ZNF638: variants seen among roughly 807,000 people sequenced by gnomAD.
The protein encoded by ZNF638 is CTCL tumor antigen se33-1.
ZNF638 carries 46 observed loss-of-function variants against 195.6 expected under a neutral mutation model. The ratio of observed to expected loss-of-function variants is 0.24; its 90% CI spans 0.19 to 0.30. The LOEUF is 0.30. Ranked by LOEUF, ZNF638 falls within the 10% of genes least tolerant of loss-of-function variation. The pLI, the probability that ZNF638 is intolerant of heterozygous loss-of-function variation, is 1.00. For synonymous variants in ZNF638, 845 were observed against 772.0 expected, an observed-to-expected ratio of 1.09 and a Z score of -1.57; for missense variants, 2,440 against 2,325.3, an observed-to-expected ratio of 1.05 and a Z score of -1.01.
chr2:71,434,913 G>A lies in ZNF638; in HGVS notation c.*106G>A, dbSNP rs2080735707. ...ATTTTCGTTTCAGAAGCAAATATTC[G>A]TGTTGTACAAATTTCTGATTGCCCT... On this transcript the variant is annotated 3_prime_UTR_variant, in exon 28 of 28. Coordinates refer to ENST00000264447, the MANE Select transcript of ZNF638 (RefSeq NM_014497.5). 3.1e-6 allele frequency: 3 copies of A among 972,004 alleles called. No individual in the cohort carries two copies. Among genetic ancestry groups the A allele is most frequent in the South Asian group, 1.8e-5 (1 of 56,304 alleles). The allele number at this position is 972,004 out of a possible 1,614,324, so 60.2% of individuals were successfully genotyped here.
intron 3 of ZNF638, among the ~76,000 whole-genome samples, chr2:71,360,873 G>A (rs1438024783): frequency 6.6e-6 from 1 of 152,216 alleles, no homozygotes; most frequent in Non-Finnish European, 1.5e-5. Context: ...TAGTTGGGCA[G>A]TATAGAGGTG....
chr2:71,360,947 AG>A (rs1378456109), intron 3 of ZNF638, among the ~76,000 whole-genome samples: 1 of 152,164 alleles, frequency 6.6e-6, no homozygotes, highest in Non-Finnish European at 1.5e-5. Context: ...AGCAGAGATG[AG>A]AACATGTGTT....
chr2:71,399,502 A>C, intron 12 of ZNF638, 57 bp from the exon 13 acceptor site: 1 of 1,257,716 alleles, frequency 8.0e-7, no homozygotes, highest in Non-Finnish European at 1.1e-6. Context: ...TTAGTGTGAA[A>C]CATGCTAAAT....
At chr2:71,361,257 T>A (rs2079104562) in intron 3 of ZNF638, among the ~76,000 whole-genome samples, 1 of 152,228 alleles carries the variant, frequency 6.6e-6, no homozygotes, top group Admixed American at 6.5e-5. Flanking sequence ...TCCACCATTA[T>A]TACCAGCTCT....
intron 10 of ZNF638, among the ~76,000 whole-genome samples, chr2:71,384,948 C>CA: frequency 1.3e-5 from 2 of 152,146 alleles, no homozygotes; most frequent in Non-Finnish European, 2.9e-5. Context: ...TGGGAACTCC[C>CA]ACATGTGAGT....
intron 15 of ZNF638, among the ~76,000 whole-genome samples, chr2:71,401,403 T>C (rs1187529062): frequency 6.6e-6 from 1 of 152,156 alleles, no homozygotes; most frequent in Non-Finnish European, 1.5e-5. Flanking sequence ...CTCAGGAGCT[T>C]TTTTATTATG....
At chr2:71,374,660 G>C (rs1327927953) in intron 8 of ZNF638, among the ~76,000 whole-genome samples, 1 of 152,216 alleles carries the variant, frequency 6.6e-6, no homozygotes, top group Non-Finnish European at 1.5e-5. Flanking sequence ...GCTCTTGCCT[G>C]TTATCCTAGC....
At chr2:71,370,875 A>G (rs1321223996) in intron 8 of ZNF638, among the ~76,000 whole-genome samples, 1 of 152,130 alleles carries the variant, frequency 6.6e-6, no homozygotes, top group East Asian at 1.9e-4. Flanking sequence ...TGTAACATTA[A>G]ATTATTTTTT....
At chr2:71,342,101 G>A (rs150210480) in intron 1 of ZNF638, among the ~76,000 whole-genome samples, 1,926 of 151,222 alleles carry the variant, frequency 0.013, 39 homozygotes, top group African/African-American at 0.042. Flanking sequence ...AAAAAGTCAA[G>A]TGGGAAGGAA....
At chr2:71,396,099 T>C (rs370790072) in intron 10 of ZNF638, 42 bp from the exon 11 acceptor site, 40 of 1,575,264 alleles carry the variant, frequency 2.5e-5, no homozygotes, top group Non-Finnish European at 3.5e-5. Context: ...CAAGTGATGT[T>C]ATTTGTAATG....
chr2:71,335,125 C>G (rs1477140300), intron 1 of ZNF638, among the ~76,000 whole-genome samples: 1 of 152,136 alleles, frequency 6.6e-6, no homozygotes, highest in East Asian at 1.9e-4. Flanking sequence ...CGGCCTCTAC[C>G]TCCTGGGTGC....
At chr2:71,395,257 C>T (rs200686018) in intron 10 of ZNF638, 117 of 717,230 alleles carry the variant, frequency 1.6e-4, no homozygotes, top group Admixed American at 8.0e-4. Context: ...GATGCAAAGC[C>T]GGAATACGAG....
chr2:71,433,353 C>T (rs1053452844), intron 27 of ZNF638, 70 bp downstream of exon 27: 5 of 1,111,878 alleles, frequency 4.5e-6, no homozygotes, highest in South Asian at 3.9e-5. Context: ...TTTATCTCCC[C>T]AAACGTACAT....
At chr2:71,401,920 A>C (rs1193890065) in intron 15 of ZNF638, 36 bp from the exon 16 acceptor site, 3 of 1,528,354 alleles carry the variant, frequency 2.0e-6, no homozygotes, top group East Asian at 4.6e-5. Context: ...GAAACAAAGA[A>C]ATTTTAATAA....
chr2:71,368,061 A>ATAG (rs2079237177), intron 6 of ZNF638, among the ~76,000 whole-genome samples: 1 of 152,130 alleles, frequency 6.6e-6, no homozygotes, highest in African/African-American at 2.4e-5. Context: ...AATTCTCTCT[A>ATAG]ATGGCCTTGG....
In ZNF638 at chr2:71,408,002, T is replaced by G; in HGVS notation, c.3136-120T>G. The stretch of plus-strand genomic sequence containing the variant: ...GAACATGGGTGTACAAATACATGTT[T>G]AAGTATCGGCTTTCATTCCTTTTAG... On this transcript the variant is annotated intron_variant, in intron 19 of 27. Transcript: ENST00000264447. 2 of 882,870 alleles carry G rather than the reference T, an allele frequency of 2.3e-6. 1 individual carries two copies. Among genetic ancestry groups the G allele is most frequent in the South Asian group, 4.0e-5 (2 of 49,706 alleles). 54.7% of individuals were successfully genotyped at this position (882,870 alleles called of 1,614,324 possible).
At chr2:71,394,349 G>A (rs1463147671) in intron 10 of ZNF638, among the ~76,000 whole-genome samples, 1 of 152,078 alleles carries the variant, frequency 6.6e-6, no homozygotes, top group Non-Finnish European at 1.5e-5. Context: ...TTAACACCTG[G>A]CATGGGACAT....
chr2:71,398,481 G>A lies in ZNF638; in HGVS notation c.2429-220G>A, dbSNP rs1033171710. Reference sequence around the variant, plus strand: ...TTAGGGATGTTTGACCTATACCCCAGTAGGGAGGTAAATATCTTATTTCAG... The same window carrying A: ...TTAGGGATGTTTGACCTATACCCCAATAGGGAGGTAAATATCTTATTTCAG... On this transcript the variant is annotated intron_variant, in intron 11 of 27. Transcript: ENST00000264447. 2.0e-4 allele frequency among the ~76,000 whole-genome samples: 31 copies of A among 152,162 alleles called. 1 individual carries two copies. Among genetic ancestry groups the A allele is most frequent in the Non-Finnish European group, 3.7e-4 (25 of 68,016 alleles).
intron 17 of ZNF638, among the ~76,000 whole-genome samples, chr2:71,404,594 G>A (rs930060388): frequency 2.6e-5 from 4 of 152,104 alleles, no homozygotes; most frequent in Non-Finnish European, 4.4e-5. Context: ...GCGCACACCC[G>A]TGGTCCCAGC....
Sources: gnomAD v4.1 joint callset for allele counts (sites outside exome capture counted in the v4.1 genomes callset) on GRCh38, gnomAD v4.1.1 for gene constraint, MANE v1.5 for transcripts, NCBI Gene and HGNC (gene_info 2026-07-23, HGNC 2026-07-21) for gene names.